The following ACOT12 variants were observed in gnomAD, a reference collection of about 807,000 sequenced individuals.
ACOT12 encodes acyl-CoA thioesterase 12, also known as acetyl-coenzyme A thioesterase.
In ACOT12, 51 loss-of-function variants were observed where a neutral mutation model predicts 67.7. The ratio of observed to expected loss-of-function variants is 0.75; its 90% confidence interval spans 0.60 to 0.95. The LOEUF is 0.95. Among genes scored for constraint, ACOT12 ranks in the 40% least tolerant of loss-of-function variants. ACOT12 has a pLI of 0.00. For missense variants in ACOT12, 734 were observed against 708.1 expected, an observed-to-expected ratio of 1.04 and a Z score of -0.41; for synonymous variants, 251 against 244.6, an observed-to-expected ratio of 1.03 and a Z score of -0.24.
intron 2 of ACOT12, 72 bp downstream of exon 2, chr5:81,385,685 G>C (rs1224293478): frequency 2.1e-6 from 3 of 1,398,048 alleles, no homozygotes; most frequent in Non-Finnish European, 3.0e-6. Flanking sequence ...AATAAGCTCA[G>C]GTGCCACCAA....
the ACOT12 span, among the ~76,000 whole-genome samples, chr5:81,322,927 G>A: frequency 2.3e-4 from 35 of 152,126 alleles, no homozygotes; most frequent in Middle Eastern, 3.4e-3. Flanking sequence ...TCCTTCACCT[G>A]GTCCTGCCCT....
At chr5:81,382,513 T>C (rs956689650) in intron 2 of ACOT12, among the ~76,000 whole-genome samples, 3 of 152,092 alleles carry the variant, frequency 2.0e-5, no homozygotes, top group African/African-American at 7.2e-5. Flanking sequence ...AATAATAACA[T>C]TGCCCAGGCG....
At chr5:81,392,427 T>C (rs1288355356) in intron 1 of ACOT12, among the ~76,000 whole-genome samples, 1 of 152,234 alleles carries the variant, frequency 6.6e-6, no homozygotes, top group African/African-American at 2.4e-5. Context: ...CAGTTATTAA[T>C]ATTATACTAC....
chr5:81,374,064 C>G (rs535311855), intron 2 of ACOT12, among the ~76,000 whole-genome samples: 1 of 152,242 alleles, frequency 6.6e-6, no homozygotes, highest in East Asian at 1.9e-4. Context: ...CAGTAGGGGC[C>G]GACAGACACC....
At chr5:81,318,771 T>C in the ACOT12 span, among the ~76,000 whole-genome samples, 1 of 152,242 alleles carries the variant, frequency 6.6e-6, no homozygotes, top group Non-Finnish European at 1.5e-5. Context: ...GCAGTTATGA[T>C]GTTAAACAAT....
At chr5:81,320,618 T>C in the ACOT12 span, among the ~76,000 whole-genome samples, 65 of 152,214 alleles carry the variant, frequency 4.3e-4, no homozygotes, top group African/African-American at 1.5e-3. Flanking sequence ...AACCTAGGCC[T>C]CAAAGAATTC....
At chr5:81,359,308 G>A (rs1759826634) in intron 5 of ACOT12, among the ~76,000 whole-genome samples, 1 of 152,108 alleles carries the variant, frequency 6.6e-6, no homozygotes, top group African/African-American at 2.4e-5. Flanking sequence ...CAAGGGCGGG[G>A]CTCTGCCTTT....
intron 4 of ACOT12, among the ~76,000 whole-genome samples, chr5:81,363,167 A>C (rs1759970273): frequency 6.7e-6 from 1 of 149,344 alleles, no homozygotes; most frequent in African/African-American, 2.5e-5. Flanking sequence ...CCTGACACTG[A>C]AAAAAAAAAG....
At chr5:81,387,502 A>T (rs1392781126) in intron 1 of ACOT12, among the ~76,000 whole-genome samples, 1 of 151,750 alleles carries the variant, frequency 6.6e-6, no homozygotes, top group Non-Finnish European at 1.5e-5. Flanking sequence ...AAAGTGTTAT[A>T]ATGTATACCA....
chr5:81,312,619 C>G, the ACOT12 span: 1 of 1,613,784 alleles, frequency 6.2e-7, no homozygotes, highest in Non-Finnish European at 8.5e-7. Flanking sequence ...GTACCTAAAC[C>G]GCAAAAACCC....
In ACOT12 at chr5:81,345,917, G is replaced by C; in HGVS notation, c.741C>G (p.Phe247Leu). The C allele has an allele frequency of 2.5e-6, 4 of 1,614,006 alleles. No homozygotes were observed. Among genetic ancestry groups the C allele is most frequent in the Non-Finnish European group, 3.4e-6 (4 of 1,179,944 alleles). ...GPSTVGDRLV[F>L]TAIVNNTFQT... ...GAAATGTATTGTTGACAATGGCAGT[G>C]AAGACAAGACGATCTCCAACTGTAG... Residue 247 changes from phenylalanine to leucine, a missense_variant, in exon 7 of 15, where the codon TTC becomes TTG. Transcript: ENST00000307624.
downstream of ACOT12, among the ~76,000 whole-genome samples, chr5:81,325,859 G>A (rs1234150141): frequency 1.3e-5 from 2 of 152,132 alleles, no homozygotes; most frequent in Non-Finnish European, 2.9e-5. Context: ...CTCCCAGGCT[G>A]GAGTGTAGTG....
chr5:81,385,762 T>C lies in ACOT12; in HGVS notation c.192A>G (p.Thr64=), dbSNP rs761945006. ...CATGGAGCAATGTCACTTACCTAGC[T>C]GTCTCCTCAAACTGTATGTCATCCA... The part of the protein sequence containing the change: ...ASVDDIQFEE[T]ARVGQVITIK... The change falls in exon 2 of 15, where the codon ACA becomes ACG. Residue 64 remains threonine (T), a synonymous_variant. Coordinates refer to ENST00000307624, the MANE Select transcript of ACOT12 (RefSeq NM_130767.3). 2 of 1,613,960 alleles carry C rather than the reference T, an allele frequency of 1.2e-6. No homozygotes were observed. The highest frequency in any genetic ancestry group is 1.3e-5 in the African/African-American group (1 of 74,922).
intron 2 of ACOT12, among the ~76,000 whole-genome samples, chr5:81,378,245 CTATT>C (rs1360462997): frequency 6.6e-6 from 1 of 152,168 alleles, no homozygotes; most frequent in Admixed American, 6.5e-5. Context: ...AAAGGATTCT[CTATT>C]TAATAAATGG....
intron 3 of ACOT12, 108 bp from the exon 4 acceptor site, chr5:81,363,997 AACC>A: frequency 1.8e-6 from 1 of 568,312 alleles, no homozygotes; most frequent in Non-Finnish European, 2.7e-6. Context: ...TTAAAAATGA[AACC>A]AGAATTTTAA....
chr5:81,382,130 G>T (rs1272323112), intron 2 of ACOT12, among the ~76,000 whole-genome samples: 1 of 152,068 alleles, frequency 6.6e-6, no homozygotes, highest in Non-Finnish European at 1.5e-5. Flanking sequence ...TAAAATCAAA[G>T]AAATTAAGTA....
intron 2 of ACOT12, among the ~76,000 whole-genome samples, chr5:81,382,151 A>T (rs1760601387): frequency 6.6e-6 from 1 of 152,228 alleles, no homozygotes; most frequent in Admixed American, 6.5e-5. Context: ...AAACCATATA[A>T]CCCTAAATTA....
intron 7 of ACOT12, 79 bp downstream of exon 7, chr5:81,345,806 A>T (rs1328784611): frequency 1.3e-6 from 2 of 1,570,468 alleles, no homozygotes; most frequent in East Asian, 2.3e-5. Context: ...TAGTTCCCAT[A>T]CTCACCTCCA....
At chr5:81,321,985 G>C in the ACOT12 span, among the ~76,000 whole-genome samples, 681 of 152,142 alleles carry the variant, frequency 4.5e-3, 6 homozygotes, top group Non-Finnish European at 6.6e-3. Flanking sequence ...TGAACTGGAA[G>C]ATGAATCTAA....
Sources: allele counts gnomAD v4.1 joint callset (sites outside exome capture counted in the v4.1 genomes callset), GRCh38; gene constraint gnomAD v4.1.1; transcripts MANE v1.5; gene names NCBI Gene and HGNC (gene_info 2026-07-23, HGNC 2026-07-21).